Variants in ADARB2 observed in about 807,000 individuals in gnomAD.
ADARB2 encodes the protein adenosine deaminase RNA specific B2 (inactive).
A neutral mutation model predicts 62.2 loss-of-function variants in ADARB2; 25 were observed. The observed-to-expected ratio is 0.40, with a 90% CI of 0.29 to 0.56. ADARB2 has a LOEUF of 0.56. Ranked by LOEUF, ADARB2 falls within the 20% of genes least tolerant of loss-of-function variation. The probability of loss-of-function intolerance (pLI) is 0.43; values close to 1 mark genes in which losing one functional copy is unlikely to be tolerated. For missense variants in ADARB2, 1,071 were observed against 1,077.4 expected (o/e 0.99, Z 0.08); for synonymous variants, 572 against 500.8 (o/e 1.14, Z -1.90).
chr10:1,291,882 G>A (rs1294268531), intron 3 of ADARB2: 2 of 152,438 alleles, frequency 1.3e-5, no homozygotes, highest in Non-Finnish European at 2.9e-5. Flanking sequence ...AGGACCCCGA[G>A]GCCTGGCTGG....
chr10:1,312,889 C>T (rs1435791477), intron 3 of ADARB2, among the ~76,000 whole-genome samples: 1 of 152,214 alleles, frequency 6.6e-6, no homozygotes, highest in East Asian at 1.9e-4. Context: ...GCTTTTGTGT[C>T]TTCCATTTTG....
At chr10:1,466,204 G>A (rs752962825) in intron 1 of ADARB2, among the ~76,000 whole-genome samples, 4 of 152,198 alleles carry the variant, frequency 2.6e-5, no homozygotes, top group Non-Finnish European at 5.9e-5. Flanking sequence ...AGCTGGCCTC[G>A]GACACCACAT....
intron 4 of ADARB2, among the ~76,000 whole-genome samples, chr10:1,243,295 G>A (rs948620890): frequency 1.4e-4 from 22 of 152,258 alleles, no homozygotes; most frequent in African/African-American, 4.6e-4. Flanking sequence ...GCCGCTGACC[G>A]CGGCCACGTC....
chr10:1,196,945 C>T (rs899482890), intron 8 of ADARB2, among the ~76,000 whole-genome samples: 1 of 152,140 alleles, frequency 6.6e-6, no homozygotes, highest in African/African-American at 2.4e-5. Flanking sequence ...ATAATTTTTT[C>T]CACCAAAAAT....
rs755381281 is a variant in ADARB2, at chr10:1,472,441, G to T, written c.101-93281C>A. ...GGGCCATAGGGGCGAGTGCCATGCGGCTCGGGGTTCAGCCAGGTGTGACGA... is the reference window on the plus strand; with the variant it reads ...GGGCCATAGGGGCGAGTGCCATGCGTCTCGGGGTTCAGCCAGGTGTGACGA... On this transcript the variant is annotated intron_variant, in intron 1 of 9. Coordinates refer to ENST00000381312, the MANE Select transcript of ADARB2 (RefSeq NM_018702.4). 9.7e-4 allele frequency among the ~76,000 whole-genome samples: 148 copies of T among 152,118 alleles called. 1 individual carries two copies. The highest frequency in any genetic ancestry group is 3.3e-4 in the Admixed American group (5 of 15,284).
intron 1 of ADARB2, among the ~76,000 whole-genome samples, chr10:1,640,324 A>G (rs1337213132): frequency 2.0e-5 from 3 of 152,178 alleles, no homozygotes; most frequent in Non-Finnish European, 4.4e-5. Context: ...CTAGGGAGGG[A>G]GGGGTAGATA....
intron 3 of ADARB2, among the ~76,000 whole-genome samples, chr10:1,278,289 CTT>C (rs76796387): frequency 1.4e-5 from 2 of 141,422 alleles, no homozygotes. Context: ...TCCTTTTTTT[CTT>C]TTTTTTTTTT....
At chr10:1,339,341 G>A (rs1183987876) in intron 3 of ADARB2, among the ~76,000 whole-genome samples, 1 of 152,252 alleles carries the variant, frequency 6.6e-6, no homozygotes, top group African/African-American at 2.4e-5. Flanking sequence ...ACGGGACTAA[G>A]GAGAAGCCAT....
intron 3 of ADARB2, chr10:1,290,967 A>G (rs1033825487): frequency 2.0e-5 from 3 of 152,226 alleles, no homozygotes; most frequent in Non-Finnish European, 2.9e-5. Context: ...GTGTGCTGAC[A>G]TGAGGGTGCA....
At chr10:1,724,383 A>G (rs370485784) in intron 1 of ADARB2, among the ~76,000 whole-genome samples, 1 of 152,190 alleles carries the variant, frequency 6.6e-6, no homozygotes, top group South Asian at 2.1e-4. Flanking sequence ...GATCAGGTGA[A>G]AGCACTCTTC....
chr10:1,184,226 T>A lies in ADARB2; in HGVS notation c.2043+635A>T, dbSNP rs1247560439. Among the ~76,000 whole-genome samples, 15 of 152,316 alleles carry A rather than the reference T, an allele frequency of 9.8e-5. No homozygotes were observed. In the East Asian group the frequency reaches 2.7e-3, roughly 27 times the overall value. Reference sequence around the variant, plus strand: ...TATTATTCCTGCTTGGATTAAAAAGTGTGGAAAAATGAGAGAGGCATTTTT... The same window carrying A: ...TATTATTCCTGCTTGGATTAAAAAGAGTGGAAAAATGAGAGAGGCATTTTT... On this transcript the variant is annotated intron_variant, in intron 9 of 9. Transcript: ENST00000381312.
At chr10:1,633,858 G>C (rs1235344311) in intron 1 of ADARB2, among the ~76,000 whole-genome samples, 1 of 152,150 alleles carries the variant, frequency 6.6e-6, no homozygotes, top group Non-Finnish European at 1.5e-5. Context: ...CCCTCCTCTA[G>C]TGTGGAGCAG....
chr10:1,575,704 G>A (rs527713239), intron 1 of ADARB2, among the ~76,000 whole-genome samples: 2 of 152,298 alleles, frequency 1.3e-5, no homozygotes, highest in South Asian at 2.1e-4. Flanking sequence ...GTTCAGCTGG[G>A]GGACTCTGTG....
Position 1,182,960 on chromosome 10 carries a change from T to C in ADARB2, c.*233A>G. 1 of 534,756 alleles carries C rather than the reference T, an allele frequency of 1.9e-6. No individual in the cohort carries two copies. The highest frequency in any genetic ancestry group is 3.3e-6 in the Non-Finnish European group (1 of 300,824). 33.1% of individuals were successfully genotyped at this position (534,756 alleles called of 1,614,324 possible). A position where few individuals can be genotyped will look rare whatever the true frequency, so the allele number is the denominator to read the frequency against. ...CTCCACAGGAAGAGTCGGCGCTAACTCAACAGTGCATGTGCCCCTGGGTGT... is the reference window on the plus strand; with the variant it reads ...CTCCACAGGAAGAGTCGGCGCTAACCCAACAGTGCATGTGCCCCTGGGTGT... On this transcript the variant is annotated 3_prime_UTR_variant, in exon 10 of 10. Coordinates refer to ENST00000381312, the MANE Select transcript of ADARB2 (RefSeq NM_018702.4).
chr10:1,475,011 C>G (rs1588271101), intron 1 of ADARB2, among the ~76,000 whole-genome samples: 1 of 152,116 alleles, frequency 6.6e-6, no homozygotes, highest in Non-Finnish European at 1.5e-5. Context: ...GGACCCTGGT[C>G]TAATGGTGCC....
intron 1 of ADARB2, among the ~76,000 whole-genome samples, chr10:1,581,688 C>CTAGA (rs1833100864): frequency 6.6e-6 from 1 of 152,038 alleles, no homozygotes; most frequent in African/African-American, 2.4e-5. Context: ...CTGGATAGAG[C>CTAGA]TAGATATAGA....
At chr10:1,665,937 C>T (rs1834311122) in intron 1 of ADARB2, among the ~76,000 whole-genome samples, 1 of 152,192 alleles carries the variant, frequency 6.6e-6, no homozygotes, top group African/African-American at 2.4e-5. Flanking sequence ...AAGGATAGCA[C>T]AGCAACGAAG....
intron 1 of ADARB2, among the ~76,000 whole-genome samples, chr10:1,694,871 G>A (rs1360259312): frequency 6.6e-6 from 1 of 152,156 alleles, no homozygotes; most frequent in African/African-American, 2.4e-5. Context: ...GAGGCCTGTG[G>A]GTGGGAAGCA....
intron 1 of ADARB2, among the ~76,000 whole-genome samples, chr10:1,388,772 T>C (rs1031539206): frequency 1.1e-4 from 17 of 152,182 alleles, no homozygotes; most frequent in African/African-American, 4.1e-4. Flanking sequence ...AGGTTCCATA[T>C]TGTTACAATA....
Sources: allele counts gnomAD v4.1 joint callset (sites outside exome capture counted in the v4.1 genomes callset), GRCh38; gene constraint gnomAD v4.1.1; transcripts MANE v1.5; gene names NCBI Gene and HGNC (gene_info 2026-07-23, HGNC 2026-07-21).